Variants in GUF1 observed in about 807,000 individuals in gnomAD.
GUF1 encodes the protein translation factor GUF1, mitochondrial.
GUF1 carries 78 observed loss-of-function variants against 82.4 expected under a neutral mutation model. The observed-to-expected ratio is 0.95, with a 90% CI of 0.79 to 1.14. GUF1 has a LOEUF of 1.14. GUF1 is among the 50% of genes most tolerant of loss of function. The probability of loss-of-function intolerance (pLI) is 0.00; values close to 1 mark genes in which losing one functional copy is unlikely to be tolerated. For synonymous variants in GUF1, 279 were observed against 282.3 expected, an observed-to-expected ratio of 0.99 and a Z score of 0.12; for missense variants, 814 against 798.2, an observed-to-expected ratio of 1.02 and a Z score of -0.24.
intron 8 of GUF1, 103 bp downstream of exon 8, chr4:44,686,816 TA>T (rs996580913): frequency 2.6e-6 from 2 of 760,136 alleles, no homozygotes; most frequent in Non-Finnish European, 2.2e-6. Flanking sequence ...TTTGGTAACT[TA>T]AAAAAAACTA....
chr4:44,679,192 C>A (rs1367124354), intron 1 of GUF1, among the ~76,000 whole-genome samples: 1 of 152,224 alleles, frequency 6.6e-6, no homozygotes, highest in Admixed American at 6.5e-5. Flanking sequence ...CACTCTCCTA[C>A]TTCATTTGTT....
At chr4:44,690,642 A>C in intron 11 of GUF1, 75 bp from the exon 12 acceptor site, 1 of 852,364 alleles carries the variant, frequency 1.2e-6, no homozygotes, top group East Asian at 2.7e-5. Context: ...AGGGATTTTA[A>C]AATATAAGGC....
intron 6 of GUF1, among the ~76,000 whole-genome samples, chr4:44,683,875 C>T (rs1459544047): frequency 6.6e-6 from 1 of 152,064 alleles, no homozygotes; most frequent in Non-Finnish European, 1.5e-5. Flanking sequence ...TGCTATACTA[C>T]ATGGTAGTGT....
rs116300982 is a variant in GUF1 at position 44,682,340 on chromosome 4, C to G, written c.514C>G (p.Gln172Glu). 1.2e-4 allele frequency: 180 copies of G among 1,521,102 alleles called. No homozygotes were observed. The East Asian group carries it at 3.6e-3, about 31-fold the overall frequency. The allele number at this position is 1,521,102 out of a possible 1,614,324, so 94.2% of individuals were successfully genotyped here. A position where few individuals can be genotyped will look rare whatever the true frequency, so the allele number is the denominator to read the frequency against. The change falls in exon 5 of 17, where the codon CAA (glutamine) becomes GAA (glutamate). Residue 172 changes from glutamine to glutamate, a missense_variant. Gln to Glu is a conservative substitution (Grantham distance 29). Coordinates refer to ENST00000281543, the MANE Select transcript of GUF1 (RefSeq NM_021927.3). The stretch of plus-strand genomic sequence containing the variant: ...TGTATCTTGATATTTTCAGGGAATT[C>G]AAGCCCAAACTGTAGCAAACTTCTT... ...LLVVDANEGI[Q>E]AQTVANFFLA...
intron 12 of GUF1, among the ~76,000 whole-genome samples, 176 bp from the exon 13 acceptor site, chr4:44,691,490 T>A (rs920032750): frequency 6.6e-6 from 1 of 151,764 alleles, no homozygotes; most frequent in African/African-American, 2.4e-5. Flanking sequence ...AAGATAAAAT[T>A]GTTAGATAAA....
intron 1 of GUF1, among the ~76,000 whole-genome samples, chr4:44,679,700 C>T (rs558639838): frequency 2.0e-4 from 31 of 151,978 alleles, no homozygotes; most frequent in African/African-American, 6.8e-4. Context: ...ACAAAGCTCA[C>T]GTGAATTTTA....
In GUF1 at chr4:44,685,900, A is replaced by G. The variant is rs944838167; in HGVS notation, c.670-59A>G. 4.2e-6 allele frequency: 5 copies of G among 1,179,184 alleles called. No homozygotes were observed. In the African/African-American group the frequency reaches 4.6e-5, roughly 11 times the overall value. 73.0% of individuals were successfully genotyped at this position (1,179,184 alleles called of 1,614,324 possible). A position where few individuals can be genotyped will look rare whatever the true frequency, so the allele number is the denominator to read the frequency against. On this transcript the variant is annotated intron_variant, in intron 6 of 16. Coordinates refer to ENST00000281543, the MANE Select transcript of GUF1 (RefSeq NM_021927.3). Reference sequence around the variant, plus strand: ...TCTGATCATAAGTCACAGGTCATCAAGATAGAAAAGTATAGTCTTAACTTT... The same window carrying G: ...TCTGATCATAAGTCACAGGTCATCAGGATAGAAAAGTATAGTCTTAACTTT...
chr4:44,686,663 A>T lies in GUF1; in HGVS notation c.888A>T (p.Glu296Asp), dbSNP rs2109644839. Residue 296 changes from glutamate (E) to aspartate (D), a missense_variant, in exon 8 of 17, where the codon GAA (glutamate) becomes GAT (aspartate). Transcript: ENST00000281543. ...CTGCACATACTCAAAAGACATACGAAGTTAATGAAGTAGGAGTCTTGAATC... is the reference window on the plus strand; with the variant it reads ...CTGCACATACTCAAAAGACATACGATGTTAATGAAGTAGGAGTCTTGAATC... The part of the protein sequence containing the change: ...IVSAHTQKTY[E>D]VNEVGVLNPN... 3 of 1,611,810 alleles carry T rather than the reference A, an allele frequency of 1.9e-6. No homozygotes were observed. The highest frequency in any genetic ancestry group is 2.5e-6 in the Non-Finnish European group (3 of 1,178,294).
chr4:44,685,899 A>G, intron 6 of GUF1, 60 bp from the exon 7 acceptor site: 1 of 1,164,370 alleles, frequency 8.6e-7, no homozygotes, highest in Non-Finnish European at 1.3e-6. Flanking sequence ...ACAGGTCATC[A>G]AGATAGAAAA....
chr4:44,691,776 A>G lies in GUF1; in HGVS notation c.1590A>G (p.Lys530=). 6.3e-7 allele frequency: 1 copy of G among 1,594,842 alleles called. No homozygotes were observed. The highest frequency in any genetic ancestry group is 1.1e-5 in the South Asian group (1 of 88,400). The change falls in exon 13 of 17, where the codon AAA becomes AAG. Residue 530 remains lysine (K), a synonymous_variant. Coordinates refer to ENST00000281543, the MANE Select transcript of GUF1 (RefSeq NM_021927.3). ...TGGTAGATTTTTATGACTCTTTGAA[A>G]TCCCTATCTTCTGGATATGCTAGGT... ...EIVVDFYDSL[K]SLSSGYASFD... is the part of the protein sequence containing the mutation.
rs1714715562 is a variant in GUF1 at position 44,680,675 on chromosome 4, TAA to T, written c.278-18_278-17del. The T allele has an allele frequency of 6.5e-7, 1 of 1,530,132 alleles. No individual in the cohort carries two copies. 94.8% of individuals were successfully genotyped at this position (1,530,132 alleles called of 1,614,324 possible). On this transcript the variant is annotated splice_polypyrimidine_tract_variant and intron_variant, in intron 2 of 16. Transcript: ENST00000281543. ...TTTTTAAAGCCCAGAGAAATATCAA[TAA>T]GTGTTTCTGTTTATAGGGACAATTG...
intron 16 of GUF1, among the ~76,000 whole-genome samples, chr4:44,698,334 C>T (rs1260665685): frequency 6.6e-6 from 1 of 151,892 alleles, no homozygotes; most frequent in Admixed American, 6.6e-5. Flanking sequence ...TACTAGGTTT[C>T]CTTGGGAATC....
At chr4:44,693,192 A>G (rs1420596159) in intron 13 of GUF1, among the ~76,000 whole-genome samples, 1 of 152,050 alleles carries the variant, frequency 6.6e-6, no homozygotes, top group African/African-American at 2.4e-5. Context: ...ATCAACAGCA[A>G]CTAGTAGCTT....
At position 44,698,994 on chromosome 4, in the gene GUF1, C is replaced by G; in HGVS notation, c.*313C>G. 4.7e-6 allele frequency: 1 copy of G among 211,964 alleles called. No homozygotes were observed. The highest frequency in any genetic ancestry group is 9.3e-6 in the Non-Finnish European group (1 of 106,960). The allele number at this position is 211,964 out of a possible 1,614,324, so 13.1% of individuals were successfully genotyped here. A position where few individuals can be genotyped will look rare whatever the true frequency, so the allele number is the denominator to read the frequency against. On this transcript the variant is annotated 3_prime_UTR_variant, in exon 17 of 17. Transcript: ENST00000281543. ...GTTGTGAAGATTAAATGAGGTAATA[C>G]GTTAAATATTCAGAGGTGCAAGACA...
At chr4:44,684,311 G>T (rs1297929394) in intron 6 of GUF1, among the ~76,000 whole-genome samples, 1 of 152,048 alleles carries the variant, frequency 6.6e-6, no homozygotes, top group Non-Finnish European at 1.5e-5. Context: ...GTGGAGGAAT[G>T]AATAATTTTC....
chr4:44,682,057 T>C (rs1714800985), intron 4 of GUF1: 1 of 243,658 alleles, frequency 4.1e-6, no homozygotes, highest in Non-Finnish European at 7.8e-6. Flanking sequence ...CCGTGTACCT[T>C]TCCTTAAAGG....
chr4:44,682,110 A>G, intron 4 of GUF1: 2 of 327,290 alleles, frequency 6.1e-6, no homozygotes, highest in South Asian at 1.0e-4. Flanking sequence ...GGCTCACTCT[A>G]CTTGATGTGA....
chr4:44,686,731 G>C lies in GUF1; in HGVS notation c.938+18G>C, dbSNP rs372871751. 1.1e-5 allele frequency: 17 copies of C among 1,509,176 alleles called. No homozygotes were observed. Among genetic ancestry groups the C allele is most frequent in the Non-Finnish European group, 1.6e-5 (17 of 1,086,288 alleles). The allele number at this position is 1,509,176 out of a possible 1,614,324, so 93.5% of individuals were successfully genotyped here. ...CATAAATTGTAAGTAATCTGCATTA[G>C]TAAAATTAAAATGCATTTGTATGTG... is the stretch of plus-strand genomic sequence containing the variant. On this transcript the variant is annotated intron_variant, in intron 8 of 16. Coordinates refer to ENST00000281543, the MANE Select transcript of GUF1 (RefSeq NM_021927.3).
intron 12 of GUF1, among the ~76,000 whole-genome samples, 165 bp downstream of exon 12, chr4:44,691,025 T>C (rs1289030997): frequency 6.6e-6 from 1 of 151,722 alleles, no homozygotes; most frequent in African/African-American, 2.4e-5. Context: ...GTATACTTTT[T>C]AAATTATTTT....
Sources: gnomAD v4.1 joint callset for allele counts (sites outside exome capture counted in the v4.1 genomes callset) on GRCh38, gnomAD v4.1.1 for gene constraint, MANE v1.5 for transcripts, NCBI Gene and HGNC (gene_info 2026-07-23, HGNC 2026-07-21) for gene names.